ELOVL1: variants seen among roughly 807,000 people sequenced by gnomAD.
The protein encoded by ELOVL1 is very long chain fatty acid elongase 1.
ELOVL1 carries 10 observed loss-of-function variants against 37.8 expected under a neutral mutation model. That is an observed-to-expected ratio of 0.26 (90% CI 0.16 to 0.45). ELOVL1 has a LOEUF of 0.45. ELOVL1 is among the 20% of genes least tolerant of loss of function. The pLI, the probability that ELOVL1 is intolerant of heterozygous loss-of-function variation, is 1.00. For synonymous variants in ELOVL1, 133 were observed against 123.8 expected (o/e 1.07, Z -0.49); for missense variants, 256 against 352.7 (o/e 0.73, Z 2.20).
In ELOVL1 at chr1:43,365,637, GA is replaced by G; in HGVS notation, c.-14-15del. On this transcript the variant is annotated splice_polypyrimidine_tract_variant and intron_variant, in intron 1 of 7. Coordinates refer to ENST00000372458, the MANE Select transcript of ELOVL1 (RefSeq NM_022821.4). ...TGGCTAAGGACTCTGGGGAGGTACA[GA>G]GGGCGGATGTCAGACAGATCCCACT... is the stretch of plus-strand genomic sequence containing the variant. 9.3e-6 allele frequency: 15 copies of G among 1,614,042 alleles called. No individual in the cohort carries two copies. Among genetic ancestry groups the G allele is most frequent in the Non-Finnish European group, 1.3e-5 (15 of 1,179,928 alleles).
rs757281868 is a variant in ELOVL1 at position 43,364,922 on chromosome 1, A to G, written c.318+6T>C. 1 of 1,613,870 alleles carries G rather than the reference A, an allele frequency of 6.2e-7. No individual in the cohort carries two copies. The highest frequency in any genetic ancestry group is 8.5e-7 in the Non-Finnish European group (1 of 1,179,946). Reference sequence around the variant, plus strand: ...TGCTTATGACCTAGCCCCAGCCCCTACTTACCCTAAGTGCCTCAGGGCTGT... The same window carrying G: ...TGCTTATGACCTAGCCCCAGCCCCTGCTTACCCTAAGTGCCTCAGGGCTGT... On this transcript the variant is annotated splice_donor_region_variant and intron_variant, in intron 4 of 7. Transcript: ENST00000372458. The surrounding 1 kb of genome is among the most constrained non-coding windows in gnomAD (Gnocchi z 5.2).
Position 43,364,719 on chromosome 1 carries a change from A to G in ELOVL1, c.375+19T>C. 6 of 1,614,192 alleles carry G rather than the reference A, an allele frequency of 3.7e-6. No homozygotes were observed. Among genetic ancestry groups the G allele is most frequent in the Non-Finnish European group, 5.1e-6 (6 of 1,180,028 alleles). On this transcript the variant is annotated intron_variant, in intron 5 of 7. Transcript: ENST00000372458. This position sits in a 1 kb window ranked among gnomAD's most constrained non-coding sequence, Gnocchi z 5.2. Reference sequence around the variant, plus strand: ...CCTCATTCTCCCCTCAAGTTCTCACATCTCATATAACTACTCACTGTGTCC... The same window carrying G: ...CCTCATTCTCCCCTCAAGTTCTCACGTCTCATATAACTACTCACTGTGTCC...
intron 2 of ELOVL1, 71 bp from the exon 3 acceptor site, chr1:43,365,447 G>A: frequency 6.2e-7 from 1 of 1,609,522 alleles, no homozygotes; most frequent in Non-Finnish European, 8.5e-7. Flanking sequence ...AGGGTCTACA[G>A]ACATGAGGTC....
chr1:43,363,660 A>ACAGC lies in ELOVL1; in HGVS notation c.*252_*255dup. The ACAGC allele has an allele frequency of 3.8e-6, 2 of 530,008 alleles. No individual in the cohort carries two copies. Among genetic ancestry groups the ACAGC allele is most frequent in the Non-Finnish European group, 6.8e-6 (2 of 294,014 alleles). 32.8% of individuals were successfully genotyped at this position (530,008 alleles called of 1,614,324 possible). ...AAGGCAGGGAGGGGGAAATAACTGT[A>ACAGC]CAGCCCTTTTAGCCCCCAGCTCTGG... is the stretch of plus-strand genomic sequence containing the variant. On this transcript the variant is annotated 3_prime_UTR_variant, in exon 8 of 8. Coordinates refer to ENST00000372458, the MANE Select transcript of ELOVL1 (RefSeq NM_022821.4).
Position 43,365,639 on chromosome 1 carries a change from G to A in ELOVL1, c.-14-16C>T. ...GCTAAGGACTCTGGGGAGGTACAGA[G>A]GGCGGATGTCAGACAGATCCCACTG... On this transcript the variant is annotated splice_polypyrimidine_tract_variant and intron_variant, in intron 1 of 7. Transcript: ENST00000372458. 3 of 1,613,968 alleles carry A rather than the reference G, an allele frequency of 1.9e-6. No individual in the cohort carries two copies. The highest frequency in any genetic ancestry group is 1.7e-5 in the Admixed American group (1 of 60,016).
Position 43,364,549 on chromosome 1 carries a change from A to C in ELOVL1, c.474T>G (p.Ile158Met). Residue 158 changes from isoleucine (I) to methionine (M), a missense_variant, in exon 6 of 8, where the codon ATT (isoleucine) becomes ATG (methionine). Ile to Met is a conservative substitution (Grantham distance 10). Around this residue, in one of 3 missense-constraint regions of ELOVL1, gnomAD observed 39 missense variants for 89.9 expected, o/e 0.43. Transcript: ENST00000372458. The surrounding 1 kb of genome is among the most constrained non-coding windows in gnomAD (Gnocchi z 5.2). ...GTGGCCTTCACCACTCACCCGGGGC[A>C]ATCTTTACCCCCCACCACCAGCTCC... ...LPWSWWWGVK[I>M]APGGMGSFHA... 6.2e-7 allele frequency: 1 copy of C among 1,614,076 alleles called. No individual in the cohort carries two copies. Among genetic ancestry groups the C allele is most frequent in the Non-Finnish European group, 8.5e-7 (1 of 1,180,012 alleles).
Position 43,363,840 on chromosome 1 carries a change from G to T in ELOVL1, c.*76C>A. ...TAAGCCTTGGTCACAGGTGTAGGTG[G>T]AGAGGGCACTGACGGACACTGCCCT... On this transcript the variant is annotated 3_prime_UTR_variant, in exon 8 of 8. Coordinates refer to ENST00000372458, the MANE Select transcript of ELOVL1 (RefSeq NM_022821.4). 1 of 1,351,462 alleles carries T rather than the reference G, an allele frequency of 7.4e-7. No homozygotes were observed. Among genetic ancestry groups the T allele is most frequent in the Non-Finnish European group, 1.1e-6 (1 of 950,208 alleles). The allele number at this position is 1,351,462 out of a possible 1,614,324, so 83.7% of individuals were successfully genotyped here. A position where few individuals can be genotyped will look rare whatever the true frequency, so the allele number is the denominator to read the frequency against.
intron 1 of ELOVL1, chr1:43,367,466 C>G (rs1570491575): frequency 1.3e-5 from 2 of 152,638 alleles, no homozygotes; most frequent in Non-Finnish European, 2.9e-5. Context: ...ACCACCAGCC[C>G]CCAATATCAA....
intron 1 of ELOVL1, among the ~76,000 whole-genome samples, chr1:43,365,830 A>G (rs529544830): frequency 4.7e-4 from 71 of 152,090 alleles, no homozygotes; most frequent in African/African-American, 1.6e-3. Context: ...GCCTGGGAAG[A>G]GCTGTTCCAC....
Position 43,364,108 on chromosome 1 carries a change from G to A in ELOVL1, c.648C>T (p.Ile216=), listed in dbSNP as rs775471577. 33 of 1,614,048 alleles carry A rather than the reference G, an allele frequency of 2.0e-5. No homozygotes were observed. In the South Asian group the frequency reaches 3.6e-4, roughly 18 times the overall value. Reference sequence around the variant, plus strand: ...AGCTGGACATAAAGTAGTACTGGGAGATGTGCAGTGAGACCAGGACAAACT... The same window carrying A: ...AGCTGGACATAAAGTAGTACTGGGAAATGTGCAGTGAGACCAGGACAAACT... ...LIQFVLVSLH[I]SQYYFMSSCN... is the part of the protein sequence containing the mutation. The change falls in exon 8 of 8, where the codon ATC becomes ATT. Residue 216 remains isoleucine (I), a synonymous_variant. Coordinates refer to ENST00000372458, the MANE Select transcript of ELOVL1 (RefSeq NM_022821.4). The surrounding 1 kb of genome is among the most constrained non-coding windows in gnomAD (Gnocchi z 5.2).
At position 43,364,316 on chromosome 1, in the gene ELOVL1, C is replaced by T. The variant is rs747672101; in HGVS notation, c.618+8G>A. ...ATGGTTATAGGTAAGTCAGGCCAAG[C>T]CCCTCACCAGCTGAATGGCTGTCAT... is the stretch of plus-strand genomic sequence containing the variant. On this transcript the variant is annotated splice_region_variant and intron_variant, in intron 7 of 7. Transcript: ENST00000372458. This position sits in a 1 kb window ranked among gnomAD's most constrained non-coding sequence, Gnocchi z 5.2. 3.1e-6 allele frequency: 5 copies of T among 1,614,024 alleles called. No homozygotes were observed. The highest frequency in any genetic ancestry group is 4.2e-6 in the Non-Finnish European group (5 of 1,180,010).
chr1:43,364,013 G>A lies in ELOVL1; in HGVS notation c.743C>T (p.Ser248Phe). 1.2e-6 allele frequency: 2 copies of A among 1,614,196 alleles called. No individual in the cohort carries two copies. Among genetic ancestry groups the A allele is most frequent in the Non-Finnish European group, 1.7e-6 (2 of 1,180,044 alleles). ...MYGTIFFMLFSNFWYHSYTKG... is the reference protein window; with the variant it reads ...MYGTIFFMLFFNFWYHSYTKG... ...GGTATAAGAGTGATACCAGAAGTTGGAGAACAGCATGAAGAAGATGGTGCC... is the reference window on the plus strand; with the variant it reads ...GGTATAAGAGTGATACCAGAAGTTGAAGAACAGCATGAAGAAGATGGTGCC... The change falls in exon 8 of 8, where the codon TCC becomes TTC. Residue 248 changes from serine to phenylalanine, a missense_variant. Transcript: ENST00000372458. This position sits in a 1 kb window ranked among gnomAD's most constrained non-coding sequence, Gnocchi z 5.2.
intron 2 of ELOVL1, 59 bp downstream of exon 2, chr1:43,365,505 C>A: frequency 6.2e-7 from 1 of 1,613,338 alleles, no homozygotes. Context: ...TAGAAGACAG[C>A]CGTAGATCCA....
At position 43,365,921 on chromosome 1, in the gene ELOVL1, A is replaced by G. The variant is rs571207620; in HGVS notation, c.-14-298T>C. 2.6e-5 allele frequency among the ~76,000 whole-genome samples: 4 copies of G among 151,776 alleles called. No individual in the cohort carries two copies. In the South Asian group the frequency reaches 8.3e-4, roughly 32 times the overall value. On this transcript the variant is annotated intron_variant, in intron 1 of 7. Coordinates refer to ENST00000372458, the MANE Select transcript of ELOVL1 (RefSeq NM_022821.4). Reference sequence around the variant, plus strand: ...CCCTTCCCCTCTTCCTCCACAAGATAACTCTCAATTCCAGGTCTCTTACTG... The same window carrying G: ...CCCTTCCCCTCTTCCTCCACAAGATGACTCTCAATTCCAGGTCTCTTACTG...
At chr1:43,367,668 G>A (rs944511544) in intron 1 of ELOVL1, 1 of 152,148 alleles carries the variant, frequency 6.6e-6, no homozygotes, top group Non-Finnish European at 1.5e-5. Flanking sequence ...AGGAGGGAGA[G>A]AGGTAAATGC....
chr1:43,364,287 G>A lies in ELOVL1; in HGVS notation c.618+37C>T. The A allele has an allele frequency of 6.2e-7, 1 of 1,613,808 alleles. No individual in the cohort carries two copies. The highest frequency in any genetic ancestry group is 1.1e-5 in the South Asian group (1 of 91,054). On this transcript the variant is annotated intron_variant, in intron 7 of 7. Transcript: ENST00000372458. This position sits in a 1 kb window ranked among gnomAD's most constrained non-coding sequence, Gnocchi z 5.2. ...GGCAGGATCCAGGCTAGGAATGTGG[G>A]GGGATGGTTATAGGTAAGTCAGGCC...
chr1:43,367,920 G>A lies in ELOVL1; in HGVS notation c.-20C>T, dbSNP rs1647293392. 6.5e-6 allele frequency: 1 copy of A among 152,848 alleles called. No homozygotes were observed. Among genetic ancestry groups the A allele is most frequent in the South Asian group, 2.1e-4 (1 of 4,848 alleles). The allele number at this position is 152,848 out of a possible 1,614,324, so 9.5% of individuals were successfully genotyped here. A position where few individuals can be genotyped will look rare whatever the true frequency, so the allele number is the denominator to read the frequency against. ...CGTGGAAGGTCCAGACTCACCCGTAGGGGCCAGGCGGGCAACGGCGGAGCG... is the reference window on the plus strand; with the variant it reads ...CGTGGAAGGTCCAGACTCACCCGTAAGGGCCAGGCGGGCAACGGCGGAGCG... On this transcript the variant is annotated 5_prime_UTR_variant, in exon 1 of 8. Coordinates refer to ENST00000372458, the MANE Select transcript of ELOVL1 (RefSeq NM_022821.4).
intron 2 of ELOVL1, 43 bp from the exon 3 acceptor site, chr1:43,365,419 C>T (rs376128835): frequency 7.5e-6 from 12 of 1,608,850 alleles, no homozygotes; most frequent in Admixed American, 3.4e-5. Context: ...TCACAGGGTT[C>T]GAAGGGTCTT....
At position 43,363,676 on chromosome 1, in the gene ELOVL1, C is replaced by A; in HGVS notation, c.*240G>T. 1.8e-6 allele frequency: 1 copy of A among 554,350 alleles called. No homozygotes were observed. The highest frequency in any genetic ancestry group is 3.2e-6 in the Non-Finnish European group (1 of 309,166). The allele number at this position is 554,350 out of a possible 1,614,324, so 34.3% of individuals were successfully genotyped here. A position where few individuals can be genotyped will look rare whatever the true frequency, so the allele number is the denominator to read the frequency against. On this transcript the variant is annotated 3_prime_UTR_variant, in exon 8 of 8. Transcript: ENST00000372458. Reference sequence around the variant, plus strand: ...AATAACTGTACAGCCCTTTTAGCCCCCAGCTCTGGAGTGGCAGACAGCAAT... The same window carrying A: ...AATAACTGTACAGCCCTTTTAGCCCACAGCTCTGGAGTGGCAGACAGCAAT...
Sources: gnomAD v4.1 joint callset for allele counts (sites outside exome capture counted in the v4.1 genomes callset) on GRCh38, gnomAD v4.1.1 for gene constraint, gnomAD v4.1.1 regional missense constraint, Gnocchi (gnomAD v3.1) non-coding constraint, MANE v1.5 for transcripts, NCBI Gene and HGNC (gene_info 2026-07-23, HGNC 2026-07-21) for gene names.